Variants in MPLKIP observed in about 807,000 individuals in gnomAD.
MPLKIP encodes M-phase-specific PLK1-interacting protein.
In MPLKIP, 16 loss-of-function variants were observed where a neutral mutation model predicts 16.9. The observed-to-expected ratio is 0.94, with a 90% CI of 0.64 to 1.43. The LOEUF is 1.43. MPLKIP is among the 40% of genes most tolerant of loss of function. The pLI is 0.00. For missense variants in MPLKIP, 282 were observed against 237.6 expected (o/e 1.19, Z -1.23); for synonymous variants, 126 against 98.4 (o/e 1.28, Z -1.66).
Position 40,131,400 on chromosome 7 carries a change from G to C in MPLKIP, c.*1659C>G, listed in dbSNP as rs1038156257. The C allele has an allele frequency of 2.0e-5, 3 of 152,068 alleles. No individual in the cohort carries two copies. The highest frequency in any genetic ancestry group is 7.3e-5 in the African/African-American group (3 of 41,366). The allele number at this position is 152,068 out of a possible 1,614,324, so 9.4% of individuals were successfully genotyped here. ...AAAATGCCTAGAGTCTGTGTTACAT[G>C]TTAAAACACCTGATTTTGGCCGGGC... On this transcript the variant is annotated 3_prime_UTR_variant, in exon 2 of 2. Transcript: ENST00000306984.
chr7:40,133,429 A>T lies in MPLKIP; in HGVS notation c.340-170T>A, dbSNP rs367908621. On this transcript the variant is annotated intron_variant, in intron 1 of 1. Transcript: ENST00000306984. ...CTTTAATCAAGTGTTCCTATTTTTTAAAAAAAGTACTTAAAGCAATTCGTT... is the reference window on the plus strand; with the variant it reads ...CTTTAATCAAGTGTTCCTATTTTTTTAAAAAAGTACTTAAAGCAATTCGTT... Among the ~76,000 whole-genome samples, 67 of 152,288 alleles carry T rather than the reference A, an allele frequency of 4.4e-4. 1 individual carries two copies. Among genetic ancestry groups the T allele is most frequent in the Non-Finnish European group, 6.2e-4 (42 of 68,018 alleles).
chr7:40,133,720 A>C (rs931357563), intron 1 of MPLKIP, among the ~76,000 whole-genome samples: 4 of 152,060 alleles, frequency 2.6e-5, no homozygotes, highest in African/African-American at 9.7e-5. Context: ...AGCAAGTTGG[A>C]AAACCACGTA....
rs768140543 is a variant in MPLKIP, at chr7:40,134,455, G to C, written c.113C>G (p.Pro38Arg). Residue 38 changes from proline (P) to arginine (R), a missense_variant, in exon 1 of 2, where the codon CCG becomes CGG. Pro to Arg is a moderately radical substitution (Grantham distance 103). Coordinates refer to ENST00000306984, the MANE Select transcript of MPLKIP (RefSeq NM_138701.4). ...RGTPGGGGPR[P>R]PSPRDGYGSP... is the part of the protein sequence containing the mutation. The stretch of plus-strand genomic sequence containing the variant: ...CCCGTACCCGTCTCGAGGGGAGGGC[G>C]GCCGTGGTCCGCCCCCGCCCGGGGT... 2.0e-5 allele frequency: 31 copies of C among 1,568,882 alleles called. No individual in the cohort carries two copies. In the African/African-American group the frequency reaches 3.8e-4, roughly 19 times the overall value.
intron 1 of MPLKIP, 119 bp from the exon 2 acceptor site, chr7:40,133,378 A>C: frequency 1.2e-6 from 1 of 846,482 alleles, no homozygotes; most frequent in Non-Finnish European, 2.0e-6. Context: ...AACCTAAATA[A>C]TGTTCAATTA....
At position 40,132,193 on chromosome 7, in the gene MPLKIP, T is replaced by C. The variant is rs1000577435; in HGVS notation, c.*866A>G. 1 of 152,238 alleles carries C rather than the reference T, an allele frequency of 6.6e-6. No homozygotes were observed. Among genetic ancestry groups the C allele is most frequent in the Non-Finnish European group, 1.5e-5 (1 of 68,054 alleles). 9.4% of individuals were successfully genotyped at this position (152,238 alleles called of 1,614,324 possible). A position where few individuals can be genotyped will look rare whatever the true frequency, so the allele number is the denominator to read the frequency against. On this transcript the variant is annotated 3_prime_UTR_variant, in exon 2 of 2. Coordinates refer to ENST00000306984, the MANE Select transcript of MPLKIP (RefSeq NM_138701.4). ...AATCCTGTCTCATTATGGTGATGTG[T>C]CCATGATTCAAGTTAATTAGGTCTC...
rs974211697 is a variant in MPLKIP at position 40,131,112 on chromosome 7, T to C, written c.*1947A>G. On this transcript the variant is annotated 3_prime_UTR_variant, in exon 2 of 2. Coordinates refer to ENST00000306984, the MANE Select transcript of MPLKIP (RefSeq NM_138701.4). ...ACTATTAATTTTCTCATCTTACACA[T>C]GAGAAAATTGAGGCATAGAGAAGTG... 1 of 152,130 alleles carries C rather than the reference T, an allele frequency of 6.6e-6. No homozygotes were observed. Among genetic ancestry groups the C allele is most frequent in the Non-Finnish European group, 1.5e-5 (1 of 68,022 alleles). 9.4% of individuals were successfully genotyped at this position (152,130 alleles called of 1,614,324 possible).
chr7:40,129,784 T>C lies in MPLKIP; in HGVS notation c.*3275A>G, dbSNP rs1036894698. 1 of 124,876 alleles carries C rather than the reference T, an allele frequency of 8.0e-6. No homozygotes were observed. Among genetic ancestry groups the C allele is most frequent in the African/African-American group, 2.7e-5 (1 of 36,780 alleles). 7.7% of individuals were successfully genotyped at this position (124,876 alleles called of 1,614,324 possible). A position where few individuals can be genotyped will look rare whatever the true frequency, so the allele number is the denominator to read the frequency against. ...CCCTATAAGGAGACCCTCTAACTCT[T>C]TGAAAAAAAAAAAAAGTCTGTTAAT... is the stretch of plus-strand genomic sequence containing the variant. On this transcript the variant is annotated 3_prime_UTR_variant, in exon 2 of 2. Coordinates refer to ENST00000306984, the MANE Select transcript of MPLKIP (RefSeq NM_138701.4).
chr7:40,128,234 A>AT lies in MPLKIP; in HGVS notation c.*4824dup, dbSNP rs1390462970. On this transcript the variant is annotated 3_prime_UTR_variant, in exon 2 of 2. Transcript: ENST00000306984. Reference sequence around the variant, plus strand: ...TAACTCACTACCTTCCAACCAGGCGATTATGTGTCTTATTTACAGTAAAAA... The same window carrying AT: ...TAACTCACTACCTTCCAACCAGGCGATTTATGTGTCTTATTTACAGTAAAAA... The AT allele has an allele frequency of 6.6e-6, 1 of 152,210 alleles. No individual in the cohort carries two copies. The highest frequency in any genetic ancestry group is 2.4e-5 in the African/African-American group (1 of 41,452). 9.4% of individuals were successfully genotyped at this position (152,210 alleles called of 1,614,324 possible). A position where few individuals can be genotyped will look rare whatever the true frequency, so the allele number is the denominator to read the frequency against.
At position 40,133,041 on chromosome 7, in the gene MPLKIP, A is replaced by G. The variant is rs1562781415; in HGVS notation, c.*18T>C. 1 of 1,608,200 alleles carries G rather than the reference A, an allele frequency of 6.2e-7. No homozygotes were observed. The highest frequency in any genetic ancestry group is 2.2e-5 in the East Asian group (1 of 44,814). ...GATGTTCCTGACACATGAAGCTTCC[A>G]GTTGAATTTCAGAAATGTTAACAAA... is the stretch of plus-strand genomic sequence containing the variant. On this transcript the variant is annotated 3_prime_UTR_variant, in exon 2 of 2. Transcript: ENST00000306984.
rs945739706 is a variant in MPLKIP, at chr7:40,129,922, A to G, written c.*3137T>C. ...TCATTTCTGCAAAACACAACTTGCC[A>G]TAGGTTTCTTTTGTAAAATGGGAGA... On this transcript the variant is annotated 3_prime_UTR_variant, in exon 2 of 2. Transcript: ENST00000306984. 11 of 152,214 alleles carry G rather than the reference A, an allele frequency of 7.2e-5. No homozygotes were observed. The highest frequency in any genetic ancestry group is 2.4e-4 in the African/African-American group (10 of 41,466). 9.4% of individuals were successfully genotyped at this position (152,214 alleles called of 1,614,324 possible). A position where few individuals can be genotyped will look rare whatever the true frequency, so the allele number is the denominator to read the frequency against.
In MPLKIP at chr7:40,129,046, C is replaced by T. The variant is rs1217266502; in HGVS notation, c.*4013G>A. On this transcript the variant is annotated 3_prime_UTR_variant, in exon 2 of 2. Transcript: ENST00000306984. The stretch of plus-strand genomic sequence containing the variant: ...CTTAGGTAGATGAGGCAAAGAGCCT[C>T]ACCATTTGCTTTTTGCCTAAAAATA... The T allele has an allele frequency of 2.0e-5, 3 of 151,942 alleles. No homozygotes were observed. Among genetic ancestry groups the T allele is most frequent in the Non-Finnish European group, 4.4e-5 (3 of 68,018 alleles). 9.4% of individuals were successfully genotyped at this position (151,942 alleles called of 1,614,324 possible).
At chr7:40,133,528 T>G (rs968473946) in intron 1 of MPLKIP, among the ~76,000 whole-genome samples, 2 of 152,238 alleles carry the variant, frequency 1.3e-5, no homozygotes, top group African/African-American at 4.8e-5. Context: ...AACTTTGCAG[T>G]AATTAAATAC....
At position 40,133,147 on chromosome 7, in the gene MPLKIP, C is replaced by G. The variant is rs200421368; in HGVS notation, c.452G>C (p.Gly151Ala). The change falls in exon 2 of 2, where the codon GGC (glycine) becomes GCC (alanine). Residue 151 changes from glycine to alanine, a missense_variant. Transcript: ENST00000306984. ...ATCCACTACAGATACTGGTTCTAGG[C>G]CAGCCCAAGGATCTTCAAGCATTGA... ...KPSMLEDPWA[G>A]LEPVSVVDIS... is the part of the protein sequence containing the mutation. The G allele has an allele frequency of 3.9e-4, 631 of 1,613,972 alleles. 4 individuals are homozygous for G. The highest frequency in any genetic ancestry group is 8.0e-5 in the Non-Finnish European group (94 of 1,179,970).
rs75373147 is a variant in MPLKIP, at chr7:40,133,382, T to C, written c.340-123A>G. On this transcript the variant is annotated intron_variant, in intron 1 of 1. Coordinates refer to ENST00000306984, the MANE Select transcript of MPLKIP (RefSeq NM_138701.4). ...GTTGTGACTTGAACCTAAATAATGT[T>C]CAATTACAAAGTCCATGCTTCCTTT... is the stretch of plus-strand genomic sequence containing the variant. 0.012 allele frequency: 9,942 copies of C among 832,546 alleles called. 549 individuals are homozygous for C. In the African/African-American group the frequency reaches 0.13, roughly 11 times the overall value. 51.6% of individuals were successfully genotyped at this position (832,546 alleles called of 1,614,324 possible). A position where few individuals can be genotyped will look rare whatever the true frequency, so the allele number is the denominator to read the frequency against.
rs564028324 is a variant in MPLKIP at position 40,134,349 on chromosome 7, G to C, written c.219C>G (p.Phe73Leu). The C allele has an allele frequency of 9.7e-6, 15 of 1,553,172 alleles. No homozygotes were observed. In the Admixed American group the frequency reaches 2.9e-4, roughly 30 times the overall value. ...SSHSPRHGGS[F>L]PGGRFGSPSP... ...ACGGAGACCCGAACCGGCCCCCCGG[G>C]AAGCTGCCGCCGTGTCGCGGAGAGT... Residue 73 changes from phenylalanine (F) to leucine (L), a missense_variant, in exon 1 of 2, where the codon TTC (phenylalanine) becomes TTG (leucine). Phe to Leu is a conservative substitution (Grantham distance 22). Transcript: ENST00000306984.
In MPLKIP at chr7:40,128,308, A is replaced by C. The variant is rs1203761893; in HGVS notation, c.*4751T>G. On this transcript the variant is annotated 3_prime_UTR_variant, in exon 2 of 2. Coordinates refer to ENST00000306984, the MANE Select transcript of MPLKIP (RefSeq NM_138701.4). ...AAACCTAAGTATATGGTAGGAATGA[A>C]TGATACAGAGAAATGGTTGAGTGAC... is the stretch of plus-strand genomic sequence containing the variant. The C allele has an allele frequency of 6.6e-6, 1 of 152,222 alleles. No homozygotes were observed. Among genetic ancestry groups the C allele is most frequent in the African/African-American group, 2.4e-5 (1 of 41,454 alleles). The allele number at this position is 152,222 out of a possible 1,614,324, so 9.4% of individuals were successfully genotyped here.
Position 40,134,470 on chromosome 7 carries a change from C to A in MPLKIP, c.98G>T (p.Gly33Val), listed in dbSNP as rs1787557488. 4 of 1,573,646 alleles carry A rather than the reference C, an allele frequency of 2.5e-6. No homozygotes were observed. The highest frequency in any genetic ancestry group is 3.4e-6 in the Non-Finnish European group (4 of 1,161,364). Residue 33 changes from glycine to valine, a missense_variant, in exon 1 of 2, where the codon GGG becomes GTG. Physicochemically the swap from Gly to Val is moderately radical, Grantham distance 109. Transcript: ENST00000306984. The stretch of plus-strand genomic sequence containing the variant: ...AGGGGAGGGCGGCCGTGGTCCGCCC[C>A]CGCCCGGGGTTCCCCGGAAGCTGCT... ...SGSSFRGTPG[G>V]GGPRPPSPRD...
At position 40,132,115 on chromosome 7, in the gene MPLKIP, T is replaced by A. The variant is rs1787471851; in HGVS notation, c.*944A>T. The A allele has an allele frequency of 1.3e-5, 2 of 152,230 alleles. No individual in the cohort carries two copies. Among genetic ancestry groups the A allele is most frequent in the Non-Finnish European group, 2.9e-5 (2 of 68,048 alleles). 9.4% of individuals were successfully genotyped at this position (152,230 alleles called of 1,614,324 possible). On this transcript the variant is annotated 3_prime_UTR_variant, in exon 2 of 2. Coordinates refer to ENST00000306984, the MANE Select transcript of MPLKIP (RefSeq NM_138701.4). ...GTATATATCCATAGCATCCCTTAAT[T>A]TGGAAAACCACTTCTCTACTCCAGG... is the stretch of plus-strand genomic sequence containing the variant.
At position 40,128,083 on chromosome 7, in the gene MPLKIP, A is replaced by G. The variant is rs956130212; in HGVS notation, c.*4976T>C. The G allele has an allele frequency of 2.0e-5, 3 of 152,214 alleles. No individual in the cohort carries two copies. Among genetic ancestry groups the G allele is most frequent in the South Asian group, 2.1e-4 (1 of 4,820 alleles). 9.4% of individuals were successfully genotyped at this position (152,214 alleles called of 1,614,324 possible). On this transcript the variant is annotated 3_prime_UTR_variant, in exon 2 of 2. Transcript: ENST00000306984. ...GAGGTCATTAGGAAGTTCAGGGCTT[A>G]TATCAGGTGTACTGATGACTACTAT...
Sources: allele counts gnomAD v4.1 joint callset (sites outside exome capture counted in the v4.1 genomes callset), GRCh38; gene constraint gnomAD v4.1.1; transcripts MANE v1.5; gene names NCBI Gene and HGNC (gene_info 2026-07-23, HGNC 2026-07-21).